The following MUC4 variants were observed in gnomAD, a reference collection of about 807,000 sequenced individuals.
MUC4 encodes mucin-4.
Under a neutral mutation model 257.9 loss-of-function variants are expected in MUC4, and 202 were observed. The observed-to-expected ratio is 0.78, with a 90% CI of 0.70 to 0.88. The LOEUF (loss-of-function observed/expected upper bound fraction) is 0.88, where lower values mean the gene tolerates loss of function less well. Among genes scored for constraint, MUC4 ranks in the 40% least tolerant of loss-of-function variants. The pLI is 0.00. For synonymous variants in MUC4, 2,351 were observed against 2,757.1 expected, an observed-to-expected ratio of 0.85 and a Z score of 4.62; for missense variants, 5,976 against 6,513.7, an observed-to-expected ratio of 0.92 and a Z score of 2.84.
chr3:195,763,341 T>C (rs971785093), intron 12 of MUC4, 92 bp downstream of exon 12: 8 of 1,273,012 alleles, frequency 6.3e-6, no homozygotes, highest in Non-Finnish European at 8.2e-6. Context: ...CGGCTTCCCC[T>C]CCTTCGCTCT....
chr3:195,766,026 T>G (rs1720391198), intron 8 of MUC4, among the ~76,000 whole-genome samples: 1 of 152,144 alleles, frequency 6.6e-6, no homozygotes, highest in Non-Finnish European at 1.5e-5. Flanking sequence ...AGTGGCGCGA[T>G]CTCGGCTCGC....
intron 3 of MUC4, among the ~76,000 whole-genome samples, 200 bp downstream of exon 3, chr3:195,778,103 T>C: frequency 6.6e-6 from 1 of 152,228 alleles, no homozygotes; most frequent in African/African-American, 2.4e-5. Flanking sequence ...TGAATGGCAC[T>C]GGGGTCATTT....
Position 195,754,336 on chromosome 3 carries a change from G to A in MUC4, c.15205C>T (p.Arg5069Cys), listed in dbSNP as rs1398182527. Residue 5069 changes from arginine (R) to cysteine (C), a missense_variant, in exon 19 of 25, where the codon CGC becomes TGC. Around this residue, in one of 44 missense-constraint regions of MUC4, gnomAD observed 996 missense variants for 1,137.3 expected, o/e 0.88. Transcript: ENST00000463781. ...GCATCCTCGGAGCCCTCGCAGTAGC[G>A]GCCGAAGGTGCCCCCGTCACACTTG... is the stretch of plus-strand genomic sequence containing the variant. ...GCKCDGGTFG[R>C]YCEGSEDACE... 6.2e-6 allele frequency: 10 copies of A among 1,611,466 alleles called. No homozygotes were observed. Among genetic ancestry groups the A allele is most frequent in the South Asian group, 4.4e-5 (4 of 90,844 alleles).
chr3:195,804,763 G>T (rs550830661), intron 1 of MUC4, among the ~76,000 whole-genome samples: 1 of 152,248 alleles, frequency 6.6e-6, no homozygotes, highest in African/African-American at 2.4e-5. Context: ...GCGCGCAGAC[G>T]CTGAACCGCT....
chr3:195,749,720 G>C (rs1715979087), intron 23 of MUC4: 1 of 152,262 alleles, frequency 6.6e-6, no homozygotes, highest in South Asian at 2.1e-4. Flanking sequence ...ACTGTTTAAT[G>C]AGGAGGTTTT....
Position 195,781,166 on chromosome 3 carries a change from G to A in MUC4, c.10414C>T (p.Pro3472Ser), listed in dbSNP as rs201323154. The A allele has an allele frequency of 2.5e-5, 37 of 1,488,736 alleles. 2 individuals carry two copies. Among genetic ancestry groups the A allele is most frequent in the African/African-American group, 4.7e-5 (3 of 64,442 alleles). The allele number at this position is 1,488,736 out of a possible 1,614,324, so 92.2% of individuals were successfully genotyped here. The change falls in exon 2 of 25, where the codon CCT becomes TCT. Residue 3472 changes from proline to serine, a missense_variant. Around this residue, in one of 44 missense-constraint regions of MUC4, gnomAD observed 297 missense variants for 240.9 expected, o/e 1.23. Transcript: ENST00000463781. ...GAGGAAGGGCTGGTGACAGGAAGAG[G>A]GGTGGTGTCACCTGTGGATGCTGAG... ...TSSASTGDTT[P>S]LPVTSPSSAS... is the part of the protein sequence containing the mutation.
intron 7 of MUC4, among the ~76,000 whole-genome samples, chr3:195,767,738 ATCACCATCG>A (rs1560264345): frequency 1.0e-3 from 13 of 12,962 alleles, no homozygotes; most frequent in Non-Finnish European, 1.7e-3. Context: ...CACCACCACC[ATCACCATCG>A]CCACCACCAC....
chr3:195,747,364 T>C lies in MUC4; in HGVS notation c.16051A>G (p.Ile5351Val), dbSNP rs1194468760. The C allele has an allele frequency of 2.5e-6, 4 of 1,613,768 alleles. No individual in the cohort carries two copies. Among genetic ancestry groups the C allele is most frequent in the Non-Finnish European group, 3.4e-6 (4 of 1,179,810 alleles). ...GPRCSCVSFS[I>V]YTAWGEHCEH... is the part of the protein sequence containing the mutation. ...CAGTGCTCGCCCCAGGCCGTGTAGA[T>C]GGAGAAGGACACACAGCTGGTGACC... The change falls in exon 25 of 25, where the codon ATC (isoleucine) becomes GTC (valine). Residue 5351 changes from isoleucine (I) to valine (V), a missense_variant. Around this residue, in one of 44 missense-constraint regions of MUC4, gnomAD observed 310 missense variants for 242.1 expected, o/e 1.28. Coordinates refer to ENST00000463781, the MANE Select transcript of MUC4 (RefSeq NM_018406.7).
intron 6 of MUC4, chr3:195,769,790 A>C: frequency 5.9e-6 from 1 of 169,630 alleles, no homozygotes; most frequent in Non-Finnish European, 1.2e-5. Context: ...AGTCAGAAGA[A>C]GCTCCACTCA....
At chr3:195,767,886 T>C (rs62282460) in intron 7 of MUC4, among the ~76,000 whole-genome samples, 12,137 of 69,698 alleles carry the variant, frequency 0.17, 1,234 homozygotes, top group Middle Eastern at 0.25. Context: ...ATCACCACCA[T>C]CACCACCACC....
intron 21 of MUC4, chr3:195,751,507 C>G (rs960082583): frequency 6.7e-6 from 4 of 594,084 alleles, no homozygotes; most frequent in African/African-American, 1.9e-5. Flanking sequence ...CTGTCCCCCC[C>G]TCAGCCTCAT....
At position 195,755,589 on chromosome 3, in the gene MUC4, T is replaced by C. The variant is rs1717495736; in HGVS notation, c.15169-1217A>G. ...GCCAGTACAGCAGCTCAGCAAAGGC[T>C]GCGGCGCCGAGACCTCACCAAGCTC... On this transcript the variant is annotated intron_variant, in intron 18 of 24. Transcript: ENST00000463781. This position sits in a 1 kb window ranked among gnomAD's most constrained non-coding sequence, Gnocchi z 5.0. Among the ~76,000 whole-genome samples the C allele has an allele frequency of 6.6e-6, 1 of 151,948 alleles. No homozygotes were observed. Among genetic ancestry groups the C allele is most frequent in the Admixed American group, 6.6e-5 (1 of 15,260 alleles).
Position 195,781,429 on chromosome 3 carries a change from G to A in MUC4, c.10151C>T (p.Ser3384Leu), listed in dbSNP as rs201335957. The A allele has an allele frequency of 1.9e-3, 2,853 of 1,510,938 alleles. 4 individuals are homozygous for A. The highest frequency in any genetic ancestry group is 2.4e-3 in the Non-Finnish European group (2,630 of 1,115,750). The allele number at this position is 1,510,938 out of a possible 1,614,324, so 93.6% of individuals were successfully genotyped here. ...TTRLPVTDIS[S>L]ASTGQATPLP... ...AGGGGTGGCCTGACCTGTGGATGCC[G>A]AGGAAATGTCGGTGACAGGAAGACG... Residue 3384 changes from serine (S) to leucine (L), a missense_variant, in exon 2 of 25, where the codon TCG becomes TTG. By Grantham distance (145) the Ser-to-Leu change is moderately radical. This residue lies in a region of MUC4 where 297 missense variants were observed against 240.9 expected (regional missense o/e 1.23). Coordinates refer to ENST00000463781, the MANE Select transcript of MUC4 (RefSeq NM_018406.7).
intron 10 of MUC4, 74 bp from the exon 11 acceptor site, chr3:195,764,238 A>G (rs1719900715): frequency 8.9e-7 from 1 of 1,126,306 alleles, no homozygotes. Context: ...GTGTTGGTTG[A>G]GAGCTTGGCA....
chr3:195,800,988 A>G (rs936875349), intron 1 of MUC4, among the ~76,000 whole-genome samples: 1 of 151,958 alleles, frequency 6.6e-6, no homozygotes, highest in Non-Finnish European at 1.5e-5. Context: ...TGGTCCGTGG[A>G]CCCCACGTTC....
chr3:195,786,202 A>G lies in MUC4; in HGVS notation c.5378T>C (p.Leu1793Pro), dbSNP rs199532243. 8.8e-3 allele frequency: 13,077 copies of G among 1,484,746 alleles called. 1,139 individuals carry two copies. In the African/African-American group the frequency reaches 0.16, roughly 19 times the overall value. 92.0% of individuals were successfully genotyped at this position (1,484,746 alleles called of 1,614,324 possible). The change falls in exon 2 of 25, where the codon CTT becomes CCT. Residue 1793 changes from leucine to proline, a missense_variant. By Grantham distance (98) the Leu-to-Pro change is moderately conservative. Around this residue, in one of 44 missense-constraint regions of MUC4, gnomAD observed 9 missense variants for 61.2 expected, o/e 0.15. Coordinates refer to ENST00000463781, the MANE Select transcript of MUC4 (RefSeq NM_018406.7). ...SSASTDDTTR[L>P]PVTDVSSAST... The stretch of plus-strand genomic sequence containing the variant: ...TGCCGAGGAAACGTCGGTGACAGGA[A>G]GACGGGTGGTGTCATCTGTGGAAGC...
At chr3:195,777,884 CCCATACCTTCCACAG>C (rs1725307204) in intron 3 of MUC4, among the ~76,000 whole-genome samples, 2 of 51,830 alleles carry the variant, frequency 3.9e-5, no homozygotes, top group Non-Finnish European at 9.9e-5. Context: ...ACCTTCCACA[CCCATACCTTCCACAG>C]CCATACCTTC....
At chr3:195,774,725 C>A (rs984722722) in intron 3 of MUC4, among the ~76,000 whole-genome samples, 1 of 151,950 alleles carries the variant, frequency 6.6e-6, no homozygotes, top group Non-Finnish European at 1.5e-5. Context: ...CATGGAGAAG[C>A]CCTGTCTCTA....
rs1560263688 is a variant in MUC4 at position 195,767,698 on chromosome 3, AAAAATAC to A, written c.13530-954_13530-948del. Reference sequence around the variant, plus strand: ...CACCACCATCACTGGCCACCCCCCAAAAAATACCACCATCGGCCACCACCACCATCAC... The same window carrying A: ...CACCACCATCACTGGCCACCCCCCAACACCATCGGCCACCACCACCATCAC... On this transcript the variant is annotated intron_variant, in intron 7 of 24. Coordinates refer to ENST00000463781, the MANE Select transcript of MUC4 (RefSeq NM_018406.7). 4.3e-4 allele frequency among the ~76,000 whole-genome samples: 17 copies of A among 39,914 alleles called. 1 individual carries two copies. Among genetic ancestry groups the A allele is most frequent in the South Asian group, 3.0e-3 (3 of 1,004 alleles). The allele number at this position is 39,914 out of a possible 152,430, so 26.2% of individuals were successfully genotyped here. A position where few individuals can be genotyped will look rare whatever the true frequency, so the allele number is the denominator to read the frequency against.
Sources: allele counts gnomAD v4.1 joint callset (sites outside exome capture counted in the v4.1 genomes callset), GRCh38; gene constraint gnomAD v4.1.1; regional missense constraint gnomAD v4.1.1; non-coding constraint Gnocchi (gnomAD v3.1); transcripts MANE v1.5; gene names NCBI Gene and HGNC (gene_info 2026-07-23, HGNC 2026-07-21).